PAFAH1B1: variants seen among roughly 807,000 people sequenced by gnomAD.
PAFAH1B1 encodes platelet activating factor acetylhydrolase 1b regulatory subunit 1.
Under a neutral mutation model 57.5 loss-of-function variants are expected in PAFAH1B1, and 2 were observed. The ratio of observed to expected loss-of-function variants is 0.03; its 90% CI spans 0.01 to 0.11. PAFAH1B1 has a LOEUF of 0.11. Among genes scored for constraint, PAFAH1B1 ranks in the 10% least tolerant of loss-of-function variants. The pLI, the probability that PAFAH1B1 is intolerant of heterozygous loss-of-function variation, is 1.00. For missense variants in PAFAH1B1, 257 were observed against 512.0 expected, an observed-to-expected ratio of 0.50 and a Z score of 4.81; for synonymous variants, 152 against 169.6, an observed-to-expected ratio of 0.90 and a Z score of 0.81.
chr17:2,680,459 T>G, intron 10 of PAFAH1B1, 139 bp downstream of exon 10: 1 of 791,608 alleles, frequency 1.3e-6, no homozygotes, highest in Non-Finnish European at 2.3e-6. Context: ...GAAAATCTTG[T>G]GGATTCCTAC....
intron 2 of PAFAH1B1, among the ~76,000 whole-genome samples, chr17:2,647,213 CGTG>C (rs2068780678): frequency 6.6e-6 from 1 of 151,962 alleles, no homozygotes; most frequent in South Asian, 2.1e-4. Context: ...AGCTGGGCGT[CGTG>C]GTGCACACCT....
chr17:2,594,089 G>A, intron 1 of PAFAH1B1, 83 bp downstream of exon 1: 1 of 395,582 alleles, frequency 2.5e-6, no homozygotes, highest in Non-Finnish European at 4.5e-6. Context: ...GCGGCCTGAC[G>A]ATGTGGCTGC....
At chr17:2,594,635 C>T (rs2068064799) in intron 1 of PAFAH1B1, among the ~76,000 whole-genome samples, 1 of 152,234 alleles carries the variant, frequency 6.6e-6, no homozygotes, top group South Asian at 2.1e-4. Context: ...GCCTCAGCAC[C>T]CGCCGAGGAG....
At chr17:2,604,066 A>G (rs1292454504) in intron 1 of PAFAH1B1, among the ~76,000 whole-genome samples, 1 of 147,994 alleles carries the variant, frequency 6.8e-6, no homozygotes, top group Non-Finnish European at 1.5e-5. Context: ...TTTGAGACGG[A>G]GTTGAGGTCT....
intron 1 of PAFAH1B1, among the ~76,000 whole-genome samples, chr17:2,621,528 C>T (rs1395774882): frequency 1.3e-5 from 2 of 148,756 alleles, no homozygotes; most frequent in East Asian, 4.1e-4. Flanking sequence ...TGCCTTGCTT[C>T]ATTGCTGCAT....
chr17:2,682,120 T>A lies in PAFAH1B1; in HGVS notation c.*318T>A, dbSNP rs2069393144. The A allele has an allele frequency of 7.7e-6, 2 of 260,484 alleles. No homozygotes were observed. Among genetic ancestry groups the A allele is most frequent in the Non-Finnish European group, 1.5e-5 (2 of 136,514 alleles). 16.1% of individuals were successfully genotyped at this position (260,484 alleles called of 1,614,324 possible). A position where few individuals can be genotyped will look rare whatever the true frequency, so the allele number is the denominator to read the frequency against. On this transcript the variant is annotated 3_prime_UTR_variant, in exon 11 of 11. Coordinates refer to ENST00000397195, the MANE Select transcript of PAFAH1B1 (RefSeq NM_000430.4). ...CTAAACTGAATAGTTGACAGTGTCATTTTATGTTGGATTATTAATTCCTGT... is the reference window on the plus strand; with the variant it reads ...CTAAACTGAATAGTTGACAGTGTCAATTTATGTTGGATTATTAATTCCTGT...
intron 9 of PAFAH1B1, among the ~76,000 whole-genome samples, chr17:2,678,742 A>G (rs1308599011): frequency 6.6e-6 from 1 of 152,084 alleles, no homozygotes; most frequent in Non-Finnish European, 1.5e-5. Context: ...AAAATTAGTC[A>G]TGCATGATGA....
chr17:2,663,398 G>GT (rs1019343301), intron 2 of PAFAH1B1, among the ~76,000 whole-genome samples: 16 of 152,078 alleles, frequency 1.1e-4, no homozygotes, highest in African/African-American at 3.4e-4. Context: ...TTTGTTTGTT[G>GT]TTTTTTTGAG....
chr17:2,626,557 C>CT (rs796641450), intron 1 of PAFAH1B1, among the ~76,000 whole-genome samples: 2 of 28,900 alleles, frequency 6.9e-5, no homozygotes, highest in African/African-American at 3.5e-4. Context: ...CTTTCTTCCC[C>CT]CCCCCCCCCC....
rs2068049274 is a variant in PAFAH1B1, at chr17:2,593,742, G to C, written c.-455G>C. On this transcript the variant is annotated 5_prime_UTR_variant, in exon 1 of 11. Coordinates refer to ENST00000397195, the MANE Select transcript of PAFAH1B1 (RefSeq NM_000430.4). ...GGAGGAGCAGCGACACGGGAGTCTA[G>C]GGAGCGAGAAGGAGAAGGAGGGGAG... 7 of 369,222 alleles carry C rather than the reference G, an allele frequency of 1.9e-5. No individual in the cohort carries two copies. The highest frequency in any genetic ancestry group is 2.4e-5 in the Non-Finnish European group (5 of 207,752). 22.9% of individuals were successfully genotyped at this position (369,222 alleles called of 1,614,324 possible). A position where few individuals can be genotyped will look rare whatever the true frequency, so the allele number is the denominator to read the frequency against.
intron 1 of PAFAH1B1, among the ~76,000 whole-genome samples, chr17:2,615,190 G>A (rs917758765): frequency 1.3e-5 from 2 of 152,112 alleles, no homozygotes; most frequent in African/African-American, 4.8e-5. Context: ...ATGATTTAAA[G>A]TATATGAGAG....
chr17:2,674,676 GTATT>G (rs2069234990), intron 8 of PAFAH1B1, among the ~76,000 whole-genome samples: 1 of 152,264 alleles, frequency 6.6e-6, no homozygotes, highest in East Asian at 1.9e-4. Context: ...ATGCAGTTCA[GTATT>G]TATTTTTTAA....
chr17:2,617,098 GAAA>G (rs1390378794), intron 1 of PAFAH1B1, among the ~76,000 whole-genome samples: 1 of 151,934 alleles, frequency 6.6e-6, no homozygotes, highest in Non-Finnish European at 1.5e-5. Context: ...CTCTTAATAA[GAAA>G]AAAACAGACA....
chr17:2,680,674 T>C (rs1248768219), intron 10 of PAFAH1B1, among the ~76,000 whole-genome samples: 3 of 152,314 alleles, frequency 2.0e-5, no homozygotes, highest in Middle Eastern at 3.4e-3. Context: ...GGCAGGTGTA[T>C]ACTATCAGAT....
chr17:2,625,354 ATCT>A (rs999908788), intron 1 of PAFAH1B1, among the ~76,000 whole-genome samples: 11 of 152,344 alleles, frequency 7.2e-5, no homozygotes, highest in Middle Eastern at 3.4e-3. Context: ...AAAATATTAA[ATCT>A]TCTTATTCGT....
At chr17:2,634,065 C>G (rs532704080) in intron 1 of PAFAH1B1, among the ~76,000 whole-genome samples, 1 of 148,268 alleles carries the variant, frequency 6.7e-6, no homozygotes, top group African/African-American at 2.5e-5. Flanking sequence ...AATCAACATA[C>G]GTAAAATGGA....
intron 1 of PAFAH1B1, among the ~76,000 whole-genome samples, chr17:2,636,112 A>G (rs2068621935): frequency 6.6e-6 from 1 of 152,120 alleles, no homozygotes; most frequent in South Asian, 2.1e-4. Flanking sequence ...CCATCTCAAA[A>G]AAGAAACAGT....
chr17:2,624,804 A>G (rs2068468025), intron 1 of PAFAH1B1, among the ~76,000 whole-genome samples: 1 of 152,136 alleles, frequency 6.6e-6, no homozygotes. Flanking sequence ...CGGTCCATCA[A>G]AATATTGGAA....
chr17:2,670,136 T>G, intron 5 of PAFAH1B1, 27 bp from the exon 6 acceptor site: 1 of 1,610,938 alleles, frequency 6.2e-7, no homozygotes, highest in East Asian at 2.2e-5. Flanking sequence ...GGAGTTGGTG[T>G]TAACCAATTT....
Sources: gnomAD v4.1 joint callset for allele counts (sites outside exome capture counted in the v4.1 genomes callset) on GRCh38, gnomAD v4.1.1 for gene constraint, MANE v1.5 for transcripts, NCBI Gene and HGNC (gene_info 2026-07-23, HGNC 2026-07-21) for gene names.